The following STPG2 variants were observed in gnomAD, a reference collection of about 807,000 sequenced individuals.
The protein encoded by STPG2 is sperm-tail PG-rich repeat-containing protein 2.
Under a neutral mutation model 54.2 loss-of-function variants are expected in STPG2, and 56 were observed. That is an observed-to-expected ratio of 1.03 (90% confidence interval 0.83 to 1.29). The LOEUF is 1.29. STPG2 is among the 50% of genes most tolerant of loss of function. The pLI is 0.00. For missense variants in STPG2, 596 were observed against 544.9 expected (o/e 1.09, Z -0.93); for synonymous variants, 200 against 181.8 (o/e 1.10, Z -0.81).
At chr4:97,954,206 A>C (rs1254381076) in intron 7 of STPG2, among the ~76,000 whole-genome samples, 1 of 152,206 alleles carries the variant, frequency 6.6e-6, no homozygotes, top group African/African-American at 2.4e-5. Flanking sequence ...TTCAGGCAAA[A>C]TGTAACAAGA....
At chr4:97,586,191 C>G (rs1025278943) in intron 10 of STPG2, among the ~76,000 whole-genome samples, 1 of 151,544 alleles carries the variant, frequency 6.6e-6, no homozygotes, top group Non-Finnish European at 1.5e-5. Context: ...TAGAAAACTC[C>G]CTGGATGGAC....
At chr4:97,495,853 T>G (rs2148830092) in intron 4 of STPG2, among the ~76,000 whole-genome samples, 1 of 151,740 alleles carries the variant, frequency 6.6e-6, no homozygotes, top group Admixed American at 6.6e-5. Context: ...CTGAATTAAT[T>G]TATTGAGCTT....
chr4:98,127,479 G>A (rs1739863691), intron 3 of STPG2, among the ~76,000 whole-genome samples: 1 of 152,118 alleles, frequency 6.6e-6, no homozygotes, highest in African/African-American at 2.4e-5. Context: ...ATAGAATACT[G>A]GGAATAAAGA....
intron 10 of STPG2, among the ~76,000 whole-genome samples, chr4:97,658,731 G>A: frequency 6.6e-6 from 1 of 152,130 alleles, no homozygotes. Context: ...GTAGAAAACT[G>A]CTTTTTCTAA....
chr4:97,559,903 G>A (rs780689173), intron 10 of STPG2, among the ~76,000 whole-genome samples: 1 of 152,158 alleles, frequency 6.6e-6, no homozygotes, highest in African/African-American at 2.4e-5. Context: ...TGTATGCAAA[G>A]CATTTTCAAT....
intron 7 of STPG2, among the ~76,000 whole-genome samples, chr4:97,970,153 A>G (rs1334573332): frequency 6.6e-6 from 1 of 152,232 alleles, no homozygotes; most frequent in African/African-American, 2.4e-5. Flanking sequence ...TCAACGAAAT[A>G]AAAGAGAACA....
intron 9 of STPG2, among the ~76,000 whole-genome samples, chr4:97,818,396 C>T (rs1311947570): frequency 6.6e-6 from 1 of 151,744 alleles, no homozygotes; most frequent in Non-Finnish European, 1.5e-5. Context: ...AGTAACTAAT[C>T]ATAAAGTAGA....
intron 9 of STPG2, among the ~76,000 whole-genome samples, chr4:97,829,843 G>C (rs994748714): frequency 6.6e-6 from 1 of 151,958 alleles, no homozygotes; most frequent in African/African-American, 2.4e-5. Context: ...GAAAATGAAT[G>C]AACAAAGCCT....
chr4:97,570,709 T>C (rs1233755897), intron 10 of STPG2, among the ~76,000 whole-genome samples: 1 of 152,150 alleles, frequency 6.6e-6, no homozygotes, highest in Non-Finnish European at 1.5e-5. Context: ...ATCTACCACT[T>C]ATTAGCCTTC....
At chr4:98,111,053 T>C (rs1578174974) in intron 3 of STPG2, among the ~76,000 whole-genome samples, 1 of 151,992 alleles carries the variant, frequency 6.6e-6, no homozygotes, top group Non-Finnish European at 1.5e-5. Context: ...CTGGAAGATA[T>C]AGCACAGCAA....
chr4:97,669,036 A>G (rs1241440429), intron 10 of STPG2, among the ~76,000 whole-genome samples: 1 of 152,050 alleles, frequency 6.6e-6, no homozygotes, highest in South Asian at 2.1e-4. Context: ...AATGATCCAG[A>G]GAGGTTAAAA....
At position 97,762,993 on chromosome 4, in the gene STPG2, A is replaced by G. The variant is rs180841203; in HGVS notation, c.1205-50179T>C. Among the ~76,000 whole-genome samples the G allele has an allele frequency of 6.6e-5, 10 of 152,254 alleles. No individual in the cohort carries two copies. In the East Asian group the frequency reaches 1.7e-3, roughly 26 times the overall value. On this transcript the variant is annotated intron_variant, in intron 9 of 10. Transcript: ENST00000295268. ...ATATTTTGGATACAAATCTTAACATACCTCTGTTTCCCATTGTTGCCGTAA... is the reference window on the plus strand; with the variant it reads ...ATATTTTGGATACAAATCTTAACATGCCTCTGTTTCCCATTGTTGCCGTAA...
intron 8 of STPG2, among the ~76,000 whole-genome samples, chr4:97,904,233 C>G (rs1438333162): frequency 6.6e-6 from 1 of 152,170 alleles, no homozygotes; most frequent in Admixed American, 6.5e-5. Context: ...GTGGTTCTCC[C>G]AGCACACAGC....
intron 9 of STPG2, among the ~76,000 whole-genome samples, chr4:97,734,668 G>T (rs924184574): frequency 2.0e-5 from 3 of 152,048 alleles, no homozygotes; most frequent in Admixed American, 6.5e-5. Context: ...CAAATGTGGT[G>T]CAGGAAAAAA....
At chr4:98,100,056 T>C (rs1450086503) in intron 5 of STPG2, among the ~76,000 whole-genome samples, 1 of 152,028 alleles carries the variant, frequency 6.6e-6, no homozygotes, top group Non-Finnish European at 1.5e-5. Context: ...ATTAAAAACA[T>C]AAAAAATGAT....
intron 5 of STPG2, among the ~76,000 whole-genome samples, chr4:98,031,520 T>C (rs1250035612): frequency 6.6e-6 from 1 of 151,720 alleles, no homozygotes; most frequent in Admixed American, 6.6e-5. Context: ...CTACTAAAAA[T>C]ACAAAAAATT....
chr4:98,143,126 G>A lies in STPG2; in HGVS notation c.25C>T (p.Leu9Phe). Residue 9 changes from leucine (L) to phenylalanine (F), a missense_variant, in exon 1 of 11, where the codon CTC becomes TTC. Leu to Phe is a conservative substitution (Grantham distance 22, BLOSUM62 0). Coordinates refer to ENST00000295268, the MANE Select transcript of STPG2 (RefSeq NM_174952.3). ...GTGCTGCCACCTTCAGCCAATTTGA[G>A]CAGGCGGGGAGCCCGATCATACATA... Reference protein sequence around the residue: MYDRAPRLLKLAEGGSTEA... With the variant: MYDRAPRLFKLAEGGSTEA... 1.9e-6 allele frequency: 3 copies of A among 1,613,846 alleles called. No individual in the cohort carries two copies. The highest frequency in any genetic ancestry group is 2.5e-6 in the Non-Finnish European group (3 of 1,179,896).
chr4:98,023,193 T>G (rs942479629), intron 5 of STPG2, among the ~76,000 whole-genome samples: 11 of 152,334 alleles, frequency 7.2e-5, no homozygotes, highest in African/African-American at 2.4e-4. Context: ...AGATGTGTTT[T>G]TGGGGTGGAT....
At chr4:97,961,823 G>T (rs1733901538) in intron 7 of STPG2, among the ~76,000 whole-genome samples, 1 of 152,082 alleles carries the variant, frequency 6.6e-6, no homozygotes. Context: ...ACTTAAAGTA[G>T]AACTACCATT....
Sources: allele counts gnomAD v4.1 joint callset (sites outside exome capture counted in the v4.1 genomes callset), GRCh38; gene constraint gnomAD v4.1.1; transcripts MANE v1.5; gene names NCBI Gene and HGNC (gene_info 2026-07-23, HGNC 2026-07-21).